The following DENND6A variants were observed in gnomAD, a reference collection of about 807,000 sequenced individuals.
DENND6A encodes the protein DENN domain containing 6A, also known as protein DENND6A.
Under a neutral mutation model 95.5 loss-of-function variants are expected in DENND6A, and 43 were observed. That is an observed-to-expected ratio of 0.45 (90% CI 0.35 to 0.58). DENND6A has a LOEUF of 0.58. Among genes scored for constraint, DENND6A ranks in the 20% least tolerant of loss-of-function variants. The pLI is 0.00. For missense variants in DENND6A, 574 were observed against 736.0 expected (o/e 0.78, Z 2.55); for synonymous variants, 257 against 260.4 (o/e 0.99, Z 0.13).
chr3:57,664,194 C>T (rs2071489363), intron 4 of DENND6A, among the ~76,000 whole-genome samples: 1 of 152,056 alleles, frequency 6.6e-6, no homozygotes, highest in Admixed American at 6.5e-5. Context: ...AGGGATCAAT[C>T]TTAAAACAAA....
intron 11 of DENND6A, among the ~76,000 whole-genome samples, chr3:57,642,538 A>G (rs1195070149): frequency 6.6e-6 from 1 of 152,172 alleles, no homozygotes; most frequent in Non-Finnish European, 1.5e-5. Flanking sequence ...CACAGAGTTT[A>G]GCATTCCTGG....
At chr3:57,677,479 A>G (rs957344816) in intron 1 of DENND6A, among the ~76,000 whole-genome samples, 1 of 137,466 alleles carries the variant, frequency 7.3e-6, no homozygotes, top group Admixed American at 8.1e-5. Context: ...TCTGTCACCA[A>G]GGCTAGAGTA....
chr3:57,667,747 A>C (rs1287879097), intron 3 of DENND6A, among the ~76,000 whole-genome samples: 1 of 152,224 alleles, frequency 6.6e-6, no homozygotes, highest in Non-Finnish European at 1.5e-5. Context: ...AAACTTTCAT[A>C]GCAACTTGAT....
At chr3:57,668,486 T>C (rs1026065911) in intron 3 of DENND6A, among the ~76,000 whole-genome samples, 4 of 152,124 alleles carry the variant, frequency 2.6e-5, no homozygotes, top group Non-Finnish European at 5.9e-5. Context: ...CCAGATGATG[T>C]TAATGGTAAA....
intron 8 of DENND6A, among the ~76,000 whole-genome samples, chr3:57,658,424 G>A (rs527472287): frequency 1.2e-4 from 18 of 152,292 alleles, no homozygotes; most frequent in Middle Eastern, 3.4e-3. Flanking sequence ...AGCTACTTAG[G>A]AGGCTGAGGT....
At chr3:57,640,113 A>G (rs181218556) in intron 12 of DENND6A, among the ~76,000 whole-genome samples, 42 of 151,880 alleles carry the variant, frequency 2.8e-4, no homozygotes, top group Non-Finnish European at 1.5e-5. Context: ...TACTAAAAAT[A>G]CAAAAATTAG....
chr3:57,687,006 CA>C (rs1209273332), intron 1 of DENND6A, among the ~76,000 whole-genome samples: 1 of 152,150 alleles, frequency 6.6e-6, no homozygotes, highest in Non-Finnish European at 1.5e-5. Flanking sequence ...CTTGTGAATG[CA>C]AAGGAAAAGT....
chr3:57,653,744 T>TAA (rs553856616), intron 9 of DENND6A, among the ~76,000 whole-genome samples: 11 of 84,708 alleles, frequency 1.3e-4, no homozygotes, highest in African/African-American at 2.8e-4. Context: ...AGACTCCATC[T>TAA]AAAAAAAAAA....
intron 12 of DENND6A, among the ~76,000 whole-genome samples, chr3:57,635,635 G>A (rs2153412487): frequency 6.6e-6 from 1 of 152,238 alleles, no homozygotes; most frequent in African/African-American, 2.4e-5. Flanking sequence ...TAGTTACATA[G>A]ATCAAACTGC....
chr3:57,670,695 G>T (rs999650140), intron 3 of DENND6A, among the ~76,000 whole-genome samples: 2 of 152,148 alleles, frequency 1.3e-5, no homozygotes, highest in Non-Finnish European at 2.9e-5. Flanking sequence ...AGCCAAAGTG[G>T]TATATTTGGG....
intron 9 of DENND6A, among the ~76,000 whole-genome samples, chr3:57,650,252 T>C (rs1171099609): frequency 6.6e-6 from 1 of 151,104 alleles, no homozygotes; most frequent in Non-Finnish European, 1.5e-5. Flanking sequence ...AACTTATTCA[T>C]GCAACCAAAC....
rs111336789 is a variant in DENND6A at position 57,670,545 on chromosome 3, C to G, written c.319+1711G>C. Among the ~76,000 whole-genome samples the G allele has an allele frequency of 3.7e-3, 563 of 152,314 alleles. 2 individuals are homozygous for G. Among genetic ancestry groups the G allele is most frequent in the African/African-American group, 0.013 (527 of 41,558 alleles). ...CTCTGGTGATTCAGAATTTTCTCCT[C>G]TTCCTGGTATGGGAAAGGGAAGGGG... On this transcript the variant is annotated intron_variant, in intron 3 of 19. Coordinates refer to ENST00000311128, the MANE Select transcript of DENND6A (RefSeq NM_152678.3).
intron 7 of DENND6A, among the ~76,000 whole-genome samples, chr3:57,659,935 G>A (rs1181602562): frequency 6.6e-6 from 1 of 152,126 alleles, no homozygotes; most frequent in Non-Finnish European, 1.5e-5. Context: ...CACTGGCAGG[G>A]CCATGGAATT....
intron 7 of DENND6A, among the ~76,000 whole-genome samples, chr3:57,660,242 T>C (rs899476779): frequency 7.3e-5 from 11 of 151,502 alleles, no homozygotes; most frequent in Non-Finnish European, 1.6e-4. Context: ...TCCTGCAGGC[T>C]GGAATGCAGT....
chr3:57,674,047 G>A (rs777958353), intron 1 of DENND6A, among the ~76,000 whole-genome samples: 7 of 151,994 alleles, frequency 4.6e-5, no homozygotes, highest in Non-Finnish European at 7.4e-5. Flanking sequence ...TGGGATTTCA[G>A]GCGTGAGCCA....
intron 8 of DENND6A, 117 bp from the exon 9 acceptor site, chr3:57,657,852 C>A: frequency 1.7e-6 from 1 of 603,796 alleles, no homozygotes; most frequent in Non-Finnish European, 2.9e-6. Context: ...TTAAGATTCT[C>A]TTCCTTTAGG....
At chr3:57,645,144 T>C (rs2071050997) in intron 11 of DENND6A, among the ~76,000 whole-genome samples, 1 of 152,104 alleles carries the variant, frequency 6.6e-6, no homozygotes, top group Non-Finnish European at 1.5e-5. Context: ...TCGCTATTAA[T>C]GACAATATAG....
chr3:57,683,722 ATCT>A (rs2077186725), intron 1 of DENND6A, among the ~76,000 whole-genome samples: 1 of 152,228 alleles, frequency 6.6e-6, no homozygotes, highest in Non-Finnish European at 1.5e-5. Flanking sequence ...AGCATTTCAC[ATCT>A]TCTTTGCTTC....
intron 18 of DENND6A, 82 bp downstream of exon 18, chr3:57,630,339 G>A: frequency 1.6e-6 from 2 of 1,251,730 alleles, no homozygotes; most frequent in East Asian, 2.5e-5. Flanking sequence ...AGTGGATAAA[G>A]GGTACAATCT....
Sources: allele counts gnomAD v4.1 joint callset (sites outside exome capture counted in the v4.1 genomes callset), GRCh38; gene constraint gnomAD v4.1.1; transcripts MANE v1.5; gene names NCBI Gene and HGNC (gene_info 2026-07-23, HGNC 2026-07-21).